Variants in GALNT13 observed in about 807,000 individuals in gnomAD.
GALNT13 encodes polypeptide N-acetylgalactosaminyltransferase 13.
Under a neutral mutation model 64.2 loss-of-function variants are expected in GALNT13, and 28 were observed. The ratio of observed to expected loss-of-function variants is 0.44; its 90% confidence interval spans 0.32 to 0.60. GALNT13 has a LOEUF of 0.60. Among genes scored for constraint, GALNT13 ranks in the 20% least tolerant of loss-of-function variants. GALNT13 has a pLI of 0.05. For missense variants in GALNT13, 577 were observed against 669.8 expected, an observed-to-expected ratio of 0.86 and a Z score of 1.53; for synonymous variants, 214 against 224.6, an observed-to-expected ratio of 0.95 and a Z score of 0.42.
chr2:153,499,383 G>A, the GALNT13 span, among the ~76,000 whole-genome samples: 1 of 152,170 alleles, frequency 6.6e-6, no homozygotes, highest in Non-Finnish European at 1.5e-5. Flanking sequence ...GTGGACATGG[G>A]TGGGTCTGGA....
At chr2:153,093,247 T>G in the GALNT13 span, among the ~76,000 whole-genome samples, 1 of 148,484 alleles carries the variant, frequency 6.7e-6, no homozygotes, top group South Asian at 2.1e-4. Context: ...TTTTCTTTTT[T>G]TTTTTTGTGG....
At chr2:153,479,779 A>C in the GALNT13 span, among the ~76,000 whole-genome samples, 1 of 152,220 alleles carries the variant, frequency 6.6e-6, no homozygotes, top group Non-Finnish European at 1.5e-5. Flanking sequence ...AGATGTTTTT[A>C]TAGGCCTGAT....
At chr2:154,301,795 C>CT (rs965960979) in intron 9 of GALNT13, among the ~76,000 whole-genome samples, 83 of 149,228 alleles carry the variant, frequency 5.6e-4, no homozygotes, top group Admixed American at 3.7e-3. Context: ...TAAATATTAT[C>CT]TTTTTTTTTT....
chr2:153,417,345 C>G, the GALNT13 span, among the ~76,000 whole-genome samples: 1 of 152,170 alleles, frequency 6.6e-6, no homozygotes, highest in African/African-American at 2.4e-5. Flanking sequence ...TTGGTTTTCT[C>G]TCTCTCAGAG....
the GALNT13 span, among the ~76,000 whole-genome samples, chr2:153,296,771 A>G: frequency 6.6e-6 from 1 of 152,096 alleles, no homozygotes; most frequent in Non-Finnish European, 1.5e-5. Context: ...AACTTGTAAA[A>G]ATACTGAGCA....
intron 3 of GALNT13, among the ~76,000 whole-genome samples, chr2:154,055,462 T>C (rs1699850746): frequency 6.6e-6 from 1 of 152,100 alleles, no homozygotes; most frequent in Non-Finnish European, 1.5e-5. Context: ...ATTTACACTT[T>C]AACAGAGACA....
At chr2:153,728,421 T>C in the GALNT13 span, among the ~76,000 whole-genome samples, 1 of 152,106 alleles carries the variant, frequency 6.6e-6, no homozygotes, top group Non-Finnish European at 1.5e-5. Flanking sequence ...TTCCTGACTT[T>C]TTTAAAGAAG....
the GALNT13 span, among the ~76,000 whole-genome samples, chr2:153,153,542 T>C: frequency 6.6e-6 from 1 of 152,128 alleles, no homozygotes; most frequent in African/African-American, 2.4e-5. Context: ...TTTAAGTCTT[T>C]AATCCATCTT....
chr2:153,597,350 C>T, the GALNT13 span, among the ~76,000 whole-genome samples: 3 of 152,068 alleles, frequency 2.0e-5, no homozygotes, highest in Non-Finnish European at 2.9e-5. Flanking sequence ...AAGTATAAAT[C>T]ATCTGACAAG....
chr2:153,675,167 A>G, the GALNT13 span, among the ~76,000 whole-genome samples: 2 of 152,180 alleles, frequency 1.3e-5, no homozygotes, highest in South Asian at 2.1e-4. Context: ...AACTAGAAAT[A>G]CCATTTGGCC....
intron 4 of GALNT13, among the ~76,000 whole-genome samples, chr2:154,177,308 GTTATATA>G (rs1165603963): frequency 6.8e-6 from 1 of 148,020 alleles, no homozygotes; most frequent in Non-Finnish European, 1.5e-5. Flanking sequence ...GCTTAGAAAG[GTTATATA>G]TAGTTGAAAC....
the GALNT13 span, among the ~76,000 whole-genome samples, chr2:153,678,278 T>C: frequency 6.6e-6 from 1 of 151,814 alleles, no homozygotes; most frequent in Admixed American, 6.6e-5. Context: ...GGAATCAACA[T>C]AGGTGTCCAT....
At chr2:153,462,112 T>C in the GALNT13 span, among the ~76,000 whole-genome samples, 53 of 152,062 alleles carry the variant, frequency 3.5e-4, no homozygotes, top group Admixed American at 3.4e-3. Context: ...TTCACTTTTT[T>C]TTTTCCTAGA....
At chr2:154,430,336 C>T (rs1350044791) in intron 11 of GALNT13, among the ~76,000 whole-genome samples, 1 of 152,072 alleles carries the variant, frequency 6.6e-6, no homozygotes, top group Non-Finnish European at 1.5e-5. Flanking sequence ...AAGTTAATCC[C>T]AACCCTCTTA....
chr2:154,286,021 G>A (rs1692244011), intron 8 of GALNT13, among the ~76,000 whole-genome samples: 1 of 152,124 alleles, frequency 6.6e-6, no homozygotes, highest in African/African-American at 2.4e-5. Flanking sequence ...AGAAATACAA[G>A]TGATTTTTGT....
At chr2:153,927,560 CA>C (rs1690236584) in intron 2 of GALNT13, among the ~76,000 whole-genome samples, 2 of 151,872 alleles carry the variant, frequency 1.3e-5, no homozygotes, top group African/African-American at 4.8e-5. Context: ...TCATCTTTAG[CA>C]ATATTATATG....
the GALNT13 span, among the ~76,000 whole-genome samples, chr2:153,744,456 A>G: frequency 6.6e-6 from 1 of 152,086 alleles, no homozygotes; most frequent in African/African-American, 2.4e-5. Flanking sequence ...TCATATGCGT[A>G]TGTCCCATTT....
rs1699684161 is a variant in GALNT13 at position 154,409,184 on chromosome 2, TTAA to T, written c.1395+106_1395+108del. 6.4e-6 allele frequency: 5 copies of T among 777,550 alleles called. No individual in the cohort carries two copies. In the East Asian group the frequency reaches 1.0e-4, roughly 16 times the overall value. The allele number at this position is 777,550 out of a possible 1,614,324, so 48.2% of individuals were successfully genotyped here. A position where few individuals can be genotyped will look rare whatever the true frequency, so the allele number is the denominator to read the frequency against. On this transcript the variant is annotated intron_variant, in intron 11 of 12. Transcript: ENST00000392825. ...ACATGTTAATAACTATAAACTGAGC[TTAA>T]TAAATAAATGTACACTCAAATCTAG...
the GALNT13 span, among the ~76,000 whole-genome samples, chr2:153,760,081 A>C: frequency 1.3e-5 from 2 of 152,086 alleles, no homozygotes; most frequent in Admixed American, 1.3e-4. Context: ...GCATACAATT[A>C]TTCAAAGTAA....
Sources: allele counts gnomAD v4.1 joint callset (sites outside exome capture counted in the v4.1 genomes callset), GRCh38; gene constraint gnomAD v4.1.1; transcripts MANE v1.5; gene names NCBI Gene and HGNC (gene_info 2026-07-23, HGNC 2026-07-21).